APOBEC3G: variants seen among roughly 807,000 people sequenced by gnomAD.
APOBEC3G encodes DNA dC->dU-editing enzyme APOBEC-3G.
A neutral mutation model predicts 50.0 loss-of-function variants in APOBEC3G; 44 were observed. That is an observed-to-expected ratio of 0.88 (90% CI 0.69 to 1.13). The LOEUF (loss-of-function observed/expected upper bound fraction) is 1.13. Among genes scored for constraint, APOBEC3G ranks in the 50% most tolerant of loss-of-function variants. The pLI is 0.00. For missense variants in APOBEC3G, 469 were observed against 492.0 expected, an observed-to-expected ratio of 0.95 and a Z score of 0.44; for synonymous variants, 156 against 175.3, an observed-to-expected ratio of 0.89 and a Z score of 0.87.
chr22:39,087,170 C>G lies in APOBEC3G; in HGVS notation c.1140+44C>G, dbSNP rs374575022. 5.5e-4 allele frequency: 881 copies of G among 1,612,700 alleles called. 5 individuals are homozygous for G. The South Asian group carries it at 6.2e-3, about 11-fold the overall frequency. ...TGCCCAGTGCCCCATCGGCCTCCCC[C>G]TCCTCCCCTCTCCCCTGCGCCGTGC... On this transcript the variant is annotated intron_variant, in intron 7 of 7. Transcript: ENST00000407997.
Position 39,077,277 on chromosome 22 carries a change from G to T in APOBEC3G, c.-85G>T. ...GCCCTGGGAGGTCACTTTAGGGAGG[G>T]CTGTCCTAAAACCAGAAGCTTGGAG... On this transcript the variant is annotated 5_prime_UTR_variant, in exon 1 of 8. Transcript: ENST00000407997. 6.4e-7 allele frequency: 1 copy of T among 1,551,300 alleles called. No homozygotes were observed. The highest frequency in any genetic ancestry group is 8.7e-7 in the Non-Finnish European group (1 of 1,146,674).
chr22:39,077,503 C>T (rs1569081490), intron 1 of APOBEC3G, 125 bp downstream of exon 1: 3 of 1,482,460 alleles, frequency 2.0e-6, no homozygotes, highest in Non-Finnish European at 1.8e-6. Context: ...CCCTCTGACT[C>T]CCCTGCACCC....
At chr22:39,084,183 A>G (rs1002303509) in intron 5 of APOBEC3G, among the ~76,000 whole-genome samples, 2 of 152,074 alleles carry the variant, frequency 1.3e-5, no homozygotes, top group Non-Finnish European at 2.9e-5. Flanking sequence ...GTGCTCTGAG[A>G]GGGTCAGGGC....
intron 5 of APOBEC3G, 139 bp from the exon 6 acceptor site, chr22:39,086,140 A>T: frequency 2.0e-6 from 2 of 986,622 alleles, no homozygotes; most frequent in African/African-American, 1.6e-5. Context: ...CCCCTTTTCT[A>T]CTAGAAATAC....
chr22:39,077,215 C>T (rs1928188950), upstream of APOBEC3G: 3 of 1,399,648 alleles, frequency 2.1e-6, no homozygotes, highest in Non-Finnish European at 2.0e-6. Context: ...CCTACACCAG[C>T]GCCTGAGCAG....
In APOBEC3G at chr22:39,083,860, G is replaced by A; in HGVS notation, c.711G>A (p.Gln237=). Residue 237 remains glutamine, a synonymous_variant, in exon 5 of 8, where the codon CAG becomes CAA. Coordinates refer to ENST00000407997, the MANE Select transcript of APOBEC3G (RefSeq NM_021822.4). Reference sequence around the variant, plus strand: ...ATGACACCTGGGTCCTGCTGAACCAGCGCAGGGGCTTTCTATGCAACCAGG... The same window carrying A: ...ATGACACCTGGGTCCTGCTGAACCAACGCAGGGGCTTTCTATGCAACCAGG... ...MHNDTWVLLN[Q]RRGFLCNQAP... 1 of 1,613,692 alleles carries A rather than the reference G, an allele frequency of 6.2e-7. No individual in the cohort carries two copies. The highest frequency in any genetic ancestry group is 8.5e-7 in the Non-Finnish European group (1 of 1,179,714).
chr22:39,086,188 T>C, intron 5 of APOBEC3G, 91 bp from the exon 6 acceptor site: 4 of 1,410,826 alleles, frequency 2.8e-6, no homozygotes, highest in Middle Eastern at 1.9e-4. Context: ...CCTGTAATCC[T>C]AGCTACTTGT....
rs144674196 is a variant in APOBEC3G, at chr22:39,081,125, C to T, written c.364C>T (p.Arg122Cys). 1.7e-5 allele frequency: 27 copies of T among 1,614,106 alleles called. 1 individual carries two copies. The highest frequency in any genetic ancestry group is 1.5e-4 in the South Asian group (14 of 91,086). The part of the protein sequence containing the change: ...PKVTLTIFVA[R>C]LYYFWDPDYQ... ...GGTTACCCTGACCATCTTTGTTGCC[C>T]GCCTCTACTACTTCTGGGACCCAGA... Residue 122 changes from arginine to cysteine, a missense_variant, in exon 3 of 8, where the codon CGC becomes TGC. Arg to Cys is a radical substitution (Grantham distance 180). Coordinates refer to ENST00000407997, the MANE Select transcript of APOBEC3G (RefSeq NM_021822.4).
At chr22:39,085,972 C>T (rs73161557) in intron 5 of APOBEC3G, among the ~76,000 whole-genome samples, 3,960 of 152,076 alleles carry the variant, frequency 0.026, 72 homozygotes, top group East Asian at 0.066. Context: ...GAGGCTGCCC[C>T]GCACCCACCC....
At chr22:39,081,629 C>G in intron 4 of APOBEC3G, 44 bp downstream of exon 4, 1 of 1,493,798 alleles carries the variant, frequency 6.7e-7, no homozygotes, top group Non-Finnish European at 9.3e-7. Context: ...CCTCTCACCT[C>G]CTGCTCATCC....
chr22:39,081,339 C>T (rs1308456211), intron 3 of APOBEC3G, 112 bp downstream of exon 3: 1 of 1,547,206 alleles, frequency 6.5e-7, no homozygotes, highest in Non-Finnish European at 8.7e-7. Flanking sequence ...CCAAGTGTCC[C>T]AGGGGAGCCT....
intron 2 of APOBEC3G, 119 bp downstream of exon 2, chr22:39,079,204 A>G (rs1487384975): frequency 8.8e-6 from 12 of 1,367,388 alleles, no homozygotes; most frequent in Middle Eastern, 1.9e-4. Flanking sequence ...TCTCTCCCAC[A>G]CTTTCCAAGT....
At chr22:39,078,775 C>A in intron 1 of APOBEC3G, 157 bp from the exon 2 acceptor site, 3 of 1,010,096 alleles carry the variant, frequency 3.0e-6, no homozygotes, top group Non-Finnish European at 4.2e-6. Context: ...TGTAGTGGCG[C>A]GATCTTGGCT....
In APOBEC3G at chr22:39,086,566, T is replaced by C. The variant is rs371999625; in HGVS notation, c.1023T>C (p.Ser341=). The change falls in exon 6 of 8, where the codon AGT becomes AGC. Residue 341 remains serine, a splice_region_variant and synonymous_variant. Coordinates refer to ENST00000407997, the MANE Select transcript of APOBEC3G (RefSeq NM_021822.4). ...CCAAAATTTCAATAATGACATACAG[T>C]GGTGAGAATGGAAGCCTGGAGTAGG... is the stretch of plus-strand genomic sequence containing the variant. ...AGAKISIMTY[S]EFKHCWDTFV... 3 of 1,592,954 alleles carry C rather than the reference T, an allele frequency of 1.9e-6. No homozygotes were observed. Among genetic ancestry groups the C allele is most frequent in the Non-Finnish European group, 2.6e-6 (3 of 1,166,992 alleles).
intron 1 of APOBEC3G, 89 bp downstream of exon 1, chr22:39,077,467 C>T (rs1928207915): frequency 2.6e-6 from 4 of 1,546,440 alleles, no homozygotes; most frequent in African/African-American, 1.4e-5. Context: ...CCTTCCCCTG[C>T]CCCAGCCCCA....
chr22:39,081,061 T>G lies in APOBEC3G; in HGVS notation c.300T>G (p.Cys100Trp). Residue 100 changes from cysteine (C) to tryptophan (W), a missense_variant, in exon 3 of 8, where the codon TGT becomes TGG. Transcript: ENST00000407997. ...WYISWSPCTK[C>W]TRDMATFLAE... ...TATCCTGGAGCCCCTGCACAAAGTG[T>G]ACAAGGGATATGGCCACGTTCCTGG... 1 of 1,614,180 alleles carries G rather than the reference T, an allele frequency of 6.2e-7. No homozygotes were observed. Among genetic ancestry groups the G allele is most frequent in the Non-Finnish European group, 8.5e-7 (1 of 1,180,034 alleles).
At chr22:39,077,906 C>G (rs1259492612) in intron 1 of APOBEC3G, among the ~76,000 whole-genome samples, 2 of 152,112 alleles carry the variant, frequency 1.3e-5, no homozygotes, top group African/African-American at 4.8e-5. Flanking sequence ...TGCAGATGAC[C>G]CCAAACACAC....
chr22:39,085,481 G>T (rs758907661), intron 5 of APOBEC3G, among the ~76,000 whole-genome samples: 1 of 152,224 alleles, frequency 6.6e-6, no homozygotes. Context: ...GGCCTGGGGC[G>T]GAGTGAGGGT....
In APOBEC3G at chr22:39,086,520, G is replaced by C; in HGVS notation, c.977G>C (p.Arg326Pro). Residue 326 changes from arginine to proline, a missense_variant, in exon 6 of 8, where the codon CGC becomes CCC. By Grantham distance (103) the Arg-to-Pro change is moderately radical (BLOSUM62 -2). Coordinates refer to ENST00000407997, the MANE Select transcript of APOBEC3G (RefSeq NM_021822.4). ...DDQGRCQEGLRTLAEAGAKIS... is the reference protein window; with the variant it reads ...DDQGRCQEGLPTLAEAGAKIS... ...CAAGGAAGATGTCAGGAGGGGCTGCGCACCCTGGCCGAGGCTGGGGCCAAA... is the reference window on the plus strand; with the variant it reads ...CAAGGAAGATGTCAGGAGGGGCTGCCCACCCTGGCCGAGGCTGGGGCCAAA... 1 of 1,612,576 alleles carries C rather than the reference G, an allele frequency of 6.2e-7. No individual in the cohort carries two copies. The highest frequency in any genetic ancestry group is 8.5e-7 in the Non-Finnish European group (1 of 1,178,880).
Sources: gnomAD v4.1 joint callset for allele counts (sites outside exome capture counted in the v4.1 genomes callset) on GRCh38, gnomAD v4.1.1 for gene constraint, MANE v1.5 for transcripts, NCBI Gene and HGNC (gene_info 2026-07-23, HGNC 2026-07-21) for gene names.